Variants in SDK2 observed in about 807,000 individuals in gnomAD.
SDK2 encodes protein sidekick-2.
Under a neutral mutation model 253.9 loss-of-function variants are expected in SDK2, and 105 were observed. The observed-to-expected ratio is 0.41, with a 90% CI of 0.35 to 0.49. The LOEUF is 0.49. SDK2 is among the 20% of genes least tolerant of loss of function. The pLI is 0.06. For synonymous variants in SDK2, 1,249 were observed against 1,234.9 expected (o/e 1.01, Z -0.24); for missense variants, 2,608 against 3,003.0 (o/e 0.87, Z 3.07).
At chr17:73,636,744 A>C (rs1331606248) in intron 1 of SDK2, among the ~76,000 whole-genome samples, 1 of 151,364 alleles carries the variant, frequency 6.6e-6, no homozygotes, top group Non-Finnish European at 1.5e-5. Context: ...AAGATGTGGA[A>C]GATATGGGTG....
At position 73,534,294 on chromosome 17, in the gene SDK2, G is replaced by A. The variant is rs1373335671; in HGVS notation, c.65-26697C>T. On this transcript the variant is annotated intron_variant, in intron 1 of 44. Transcript: ENST00000392650. This position sits in a 1 kb window ranked among gnomAD's most constrained non-coding sequence, Gnocchi z 4.9. ...AAGAGCGGGTCCGCTGCTGGGGGAA[G>A]GGGAGTGGCATTAAATAGCTGGCGG... 1.3e-5 allele frequency among the ~76,000 whole-genome samples: 2 copies of A among 152,228 alleles called. No homozygotes were observed. The highest frequency in any genetic ancestry group is 4.8e-5 in the African/African-American group (2 of 41,460).
In SDK2 at chr17:73,401,684, C is replaced by A; in HGVS notation, c.2749G>T (p.Glu917Ter). The A allele has an allele frequency of 6.3e-7, 1 of 1,595,150 alleles. No individual in the cohort carries two copies. The highest frequency in any genetic ancestry group is 1.1e-5 in the South Asian group (1 of 87,562). Residue 917 changes from glutamate to a stop codon, truncating the protein, a stop_gained, in exon 20 of 45, where the codon GAG becomes TAG. Transcript: ENST00000392650. LOFTEE classifies it high-confidence loss of function. The stretch of plus-strand genomic sequence containing the variant: ...AGGATGCCATTTTTCTCTCCCGGCT[C>A]TTGCCAGCTGACCTTCAGCGATGTG... ...LDTSLKVSWQEPGEKNGILTG... is the reference protein window; with the variant it reads ...LDTSLKVSWQ
chr17:73,338,332 C>A lies in SDK2; in HGVS notation c.*255G>T. 1.6e-6 allele frequency: 1 copy of A among 638,976 alleles called. No individual in the cohort carries two copies. Among genetic ancestry groups the A allele is most frequent in the East Asian group, 3.2e-5 (1 of 30,828 alleles). The allele number at this position is 638,976 out of a possible 1,614,324, so 39.6% of individuals were successfully genotyped here. On this transcript the variant is annotated 3_prime_UTR_variant, in exon 45 of 45. Coordinates refer to ENST00000392650, the MANE Select transcript of SDK2 (RefSeq NM_001144952.2). The surrounding 1 kb of genome is among the most constrained non-coding windows in gnomAD (Gnocchi z 5.0). ...CAGTGACACAGCCACTTCCCCAGCT[C>A]CGTGTAATTCCCAAGGGAGCAGTGA...
chr17:73,483,707 A>ATAT lies in SDK2; in HGVS notation c.225-11490_225-11489insATA, dbSNP rs1322209671. 7.6e-3 allele frequency among the ~76,000 whole-genome samples: 489 copies of ATAT among 64,276 alleles called. 29 individuals carry two copies. Among genetic ancestry groups the ATAT allele is most frequent in the Middle Eastern group, 0.038 (4 of 106 alleles). 42.2% of individuals were successfully genotyped at this position (64,276 alleles called of 152,430 possible). A position where few individuals can be genotyped will look rare whatever the true frequency, so the allele number is the denominator to read the frequency against. On this transcript the variant is annotated intron_variant, in intron 2 of 44. Transcript: ENST00000392650. ...TTTATATATATATATATATATATAT[A>ATAT]TTTTTTTTTTTTTTTAGTAGAGTTG... is the stretch of plus-strand genomic sequence containing the variant.
At chr17:73,515,618 G>T (rs2064019812) in intron 1 of SDK2, among the ~76,000 whole-genome samples, 1 of 152,250 alleles carries the variant, frequency 6.6e-6, no homozygotes, top group Admixed American at 6.5e-5. Flanking sequence ...ATGAACGCAT[G>T]CAGGCGTGGG....
At chr17:73,583,931 T>C (rs765307272) in intron 1 of SDK2, among the ~76,000 whole-genome samples, 6 of 152,216 alleles carry the variant, frequency 3.9e-5, no homozygotes, top group Admixed American at 6.5e-5. Flanking sequence ...CAGTGTCCCA[T>C]TGACATGCAG....
intron 2 of SDK2, among the ~76,000 whole-genome samples, chr17:73,474,148 T>G (rs1951469554): frequency 6.6e-6 from 1 of 152,202 alleles, no homozygotes; most frequent in Non-Finnish European, 1.5e-5. Context: ...ATTACAGGCA[T>G]GAGCCACCGC....
chr17:73,492,691 G>C (rs754582908), intron 2 of SDK2, among the ~76,000 whole-genome samples: 1 of 152,136 alleles, frequency 6.6e-6, no homozygotes, highest in Non-Finnish European at 1.5e-5. Flanking sequence ...GAGAAGACTG[G>C]ACTGGTAAGT....
At chr17:73,606,767 G>T (rs563295925) in intron 1 of SDK2, among the ~76,000 whole-genome samples, 7 of 152,310 alleles carry the variant, frequency 4.6e-5, no homozygotes, top group Admixed American at 4.6e-4. Context: ...TTCCGAGAAT[G>T]GAGAGGGGAA....
At chr17:73,412,284 GTA>G (rs113442771) in intron 18 of SDK2, among the ~76,000 whole-genome samples, 64 of 146,146 alleles carry the variant, frequency 4.4e-4, no homozygotes, top group African/African-American at 1.5e-3. Flanking sequence ...GTGTGTGTGT[GTA>G]TATATATATG....
chr17:73,361,789 C>A lies in SDK2; in HGVS notation c.5362G>T (p.Val1788Leu), dbSNP rs745421895. The A allele has an allele frequency of 1.2e-6, 2 of 1,610,438 alleles. No individual in the cohort carries two copies. The highest frequency in any genetic ancestry group is 2.2e-5 in the South Asian group (2 of 90,150). Residue 1788 changes from valine (V) to leucine (L), a missense_variant, in exon 39 of 45, where the codon GTG becomes TTG. By Grantham distance (32) the Val-to-Leu change is conservative (BLOSUM62 1). Transcript: ENST00000392650. The surrounding 1 kb of genome is among the most constrained non-coding windows in gnomAD (Gnocchi z 4.1). ...VKGNSPLWLK[V>L]KDLAEGVTYR... Reference sequence around the variant, plus strand: ...GTCACCCCCTCCGCCAGGTCCTTCACCTTCAGCCACAGGGGGCTGTTCCCC... The same window carrying A: ...GTCACCCCCTCCGCCAGGTCCTTCAACTTCAGCCACAGGGGGCTGTTCCCC...
At chr17:73,550,897 A>G (rs1462337291) in intron 1 of SDK2, among the ~76,000 whole-genome samples, 1 of 152,084 alleles carries the variant, frequency 6.6e-6, no homozygotes, top group Non-Finnish European at 1.5e-5. Flanking sequence ...TCATGAGCCA[A>G]ACGCAGCTGC....
intron 44 of SDK2, among the ~76,000 whole-genome samples, chr17:73,340,710 T>A (rs1484563998): frequency 1.3e-5 from 2 of 149,478 alleles, no homozygotes; most frequent in African/African-American, 4.9e-5. Flanking sequence ...AAGTTCAGAA[T>A]TTTCATGTAA....
chr17:73,378,321 G>C (rs1296156433), intron 36 of SDK2, among the ~76,000 whole-genome samples: 2 of 151,626 alleles, frequency 1.3e-5, no homozygotes, highest in Non-Finnish European at 2.9e-5. Flanking sequence ...AGGCTGTTCT[G>C]TAACTCCTGA....
At chr17:73,401,619 C>T (rs371905050) in intron 20 of SDK2, 35 bp downstream of exon 20, 43 of 1,537,520 alleles carry the variant, frequency 2.8e-5, no homozygotes, top group Non-Finnish European at 3.7e-5. Flanking sequence ...CCAGCCCTGT[C>T]CTGCCCTCTG....
intron 2 of SDK2, among the ~76,000 whole-genome samples, chr17:73,482,854 C>T (rs2063734940): frequency 6.6e-6 from 1 of 152,182 alleles, no homozygotes; most frequent in Non-Finnish European, 1.5e-5. Context: ...AGGGATCCCT[C>T]CCTAAATAAC....
At chr17:73,483,587 ATGTATATATATGTATG>A (rs1383478370) in intron 2 of SDK2, among the ~76,000 whole-genome samples, 7 of 140,540 alleles carry the variant, frequency 5.0e-5, no homozygotes, top group South Asian at 2.2e-4. Flanking sequence ...GTGTATATAT[ATGTATATATATGTATG>A]TGTATATATA....
Position 73,419,323 on chromosome 17 carries a change from C to G in SDK2, c.2046-17G>C, listed in dbSNP as rs1157339874. On this transcript the variant is annotated splice_polypyrimidine_tract_variant and intron_variant, in intron 15 of 44. Transcript: ENST00000392650. ...AGGGAGACCCTGGATCACAAAACACCAATGCTCTTAGTCTTGGGGTCAAAC... is the reference window on the plus strand; with the variant it reads ...AGGGAGACCCTGGATCACAAAACACGAATGCTCTTAGTCTTGGGGTCAAAC... The G allele has an allele frequency of 6.2e-7, 1 of 1,608,680 alleles. No homozygotes were observed. Among genetic ancestry groups the G allele is most frequent in the East Asian group, 2.2e-5 (1 of 44,818 alleles).
Position 73,352,636 on chromosome 17 carries a change from G to A in SDK2, c.5595C>T (p.Asp1865=), listed in dbSNP as rs768549467. Residue 1865 remains aspartate, a splice_region_variant and synonymous_variant, in exon 41 of 45, where the codon GAC becomes GAT. Coordinates refer to ENST00000392650, the MANE Select transcript of SDK2 (RefSeq NM_001144952.2). This position sits in a 1 kb window ranked among gnomAD's most constrained non-coding sequence, Gnocchi z 4.1. ...TRYVIEARPS[D]EGLWDILIKD... ...TGATGAGGATGTCCCATAGTCCCTC[G>A]TCTGCAGGAGCACAGAGATGGAGGC... The A allele has an allele frequency of 8.1e-6, 13 of 1,613,616 alleles. No individual in the cohort carries two copies. The highest frequency in any genetic ancestry group is 4.0e-5 in the African/African-American group (3 of 74,920).
Sources: allele counts gnomAD v4.1 joint callset (sites outside exome capture counted in the v4.1 genomes callset), GRCh38; gene constraint gnomAD v4.1.1; non-coding constraint Gnocchi (gnomAD v3.1); transcripts MANE v1.5; gene names NCBI Gene and HGNC (gene_info 2026-07-23, HGNC 2026-07-21).